CCDC175: variants seen among roughly 807,000 people sequenced by gnomAD.
CCDC175 encodes coiled-coil domain-containing protein 175.
CCDC175 carries 100 observed loss-of-function variants against 114.6 expected under a neutral mutation model. The observed-to-expected ratio is 0.87, with a 90% CI of 0.74 to 1.03. The LOEUF is 1.03. CCDC175 is among the 50% of genes least tolerant of loss of function. The probability of loss-of-function intolerance (pLI) is 0.00; values close to 1 mark genes in which losing one functional copy is unlikely to be tolerated. For synonymous variants in CCDC175, 306 were observed against 308.7 expected, an observed-to-expected ratio of 0.99 and a Z score of 0.09; for missense variants, 880 against 917.8, an observed-to-expected ratio of 0.96 and a Z score of 0.53.
At chr14:59,568,145 C>A (rs1896658751) in intron 4 of CCDC175, 100 bp downstream of exon 4, 1 of 1,214,166 alleles carries the variant, frequency 8.2e-7, no homozygotes, top group South Asian at 1.7e-5. Flanking sequence ...CTCAACTCGC[C>A]CTGCCACAGT....
intron 17 of CCDC175, among the ~76,000 whole-genome samples, chr14:59,517,262 G>A (rs1308268338): frequency 6.6e-6 from 1 of 152,202 alleles, no homozygotes; most frequent in Non-Finnish European, 1.5e-5. Context: ...ACTGGTACAA[G>A]ACAGGGATGC....
intron 17 of CCDC175, among the ~76,000 whole-genome samples, chr14:59,517,028 T>A (rs1248485472): frequency 1.3e-5 from 2 of 152,194 alleles, no homozygotes; most frequent in Non-Finnish European, 2.9e-5. Flanking sequence ...CACAAATCAA[T>A]AAATGTAATC....
At chr14:59,547,316 A>G (rs1468336018) in intron 8 of CCDC175, among the ~76,000 whole-genome samples, 1 of 152,192 alleles carries the variant, frequency 6.6e-6, no homozygotes, top group African/African-American at 2.4e-5. Flanking sequence ...CTTCAAACTG[A>G]TTTACAGATT....
chr14:59,572,661 A>G (rs1400182623), intron 3 of CCDC175, 41 bp downstream of exon 3: 6 of 1,090,350 alleles, frequency 5.5e-6, no homozygotes, highest in Middle Eastern at 4.0e-4. Flanking sequence ...ATTCTGTTAT[A>G]AGATCAACTA....
chr14:59,508,072 C>T (rs1223200053), intron 19 of CCDC175, among the ~76,000 whole-genome samples: 3 of 152,186 alleles, frequency 2.0e-5, no homozygotes, highest in South Asian at 2.1e-4. Context: ...TGCAGTCTTA[C>T]AAGCCTGCTG....
chr14:59,542,957 TA>T (rs1318568533), intron 10 of CCDC175, among the ~76,000 whole-genome samples: 1 of 152,184 alleles, frequency 6.6e-6, no homozygotes, highest in Non-Finnish European at 1.5e-5. Context: ...TTTTATTCTC[TA>T]AGTTATGCAT....
rs989819697 is a variant in CCDC175, at chr14:59,554,795, T to A, written c.954-3359A>T. On this transcript the variant is annotated intron_variant, in intron 7 of 19. Coordinates refer to ENST00000537690, the MANE Select transcript of CCDC175 (RefSeq NM_001164399.2). Reference sequence around the variant, plus strand: ...ATGATAACTGGGATATCACCACCGATCCCACAGAAATGCAAACTACCATCA... The same window carrying A: ...ATGATAACTGGGATATCACCACCGAACCCACAGAAATGCAAACTACCATCA... 7.9e-5 allele frequency among the ~76,000 whole-genome samples: 12 copies of A among 151,900 alleles called. 1 individual carries two copies. Among genetic ancestry groups the A allele is most frequent in the South Asian group, 2.1e-4 (1 of 4,810 alleles).
At chr14:59,539,521 G>A (rs1040717619) in intron 11 of CCDC175, among the ~76,000 whole-genome samples, 7 of 151,898 alleles carry the variant, frequency 4.6e-5, no homozygotes, top group African/African-American at 1.7e-4. Context: ...TGGGGGTTGC[G>A]GTGAGCTGAG....
At chr14:59,543,307 A>G in intron 10 of CCDC175, 37 bp downstream of exon 10, 1 of 693,218 alleles carries the variant, frequency 1.4e-6, no homozygotes, top group South Asian at 2.3e-5. Flanking sequence ...AATGCAGAGA[A>G]AGTAAAGATA....
At chr14:59,566,370 A>G (rs1488468720) in intron 4 of CCDC175, among the ~76,000 whole-genome samples, 1 of 152,214 alleles carries the variant, frequency 6.6e-6, no homozygotes, top group African/African-American at 2.4e-5. Flanking sequence ...TCCTTTTGCT[A>G]GTCCTCAAGG....
intron 8 of CCDC175, among the ~76,000 whole-genome samples, chr14:59,546,732 A>C (rs2140056221): frequency 6.6e-6 from 1 of 152,282 alleles, no homozygotes; most frequent in Middle Eastern, 3.4e-3. Flanking sequence ...ACCCTTTGGA[A>C]GGCTGAGGCA....
At chr14:59,539,831 C>T (rs142055269) in intron 11 of CCDC175, among the ~76,000 whole-genome samples, 6,258 of 152,136 alleles carry the variant, frequency 0.041, 166 homozygotes, top group Non-Finnish European at 0.06. Context: ...ACCTGGGAAG[C>T]GGAGGTTGTG....
At chr14:59,530,330 G>A (rs1893992585) in intron 14 of CCDC175, among the ~76,000 whole-genome samples, 1 of 151,598 alleles carries the variant, frequency 6.6e-6, no homozygotes, top group South Asian at 2.1e-4. Context: ...TTGTACCATT[G>A]CACTCCAGCC....
chr14:59,555,149 G>A (rs1895802427), intron 7 of CCDC175, among the ~76,000 whole-genome samples: 1 of 152,168 alleles, frequency 6.6e-6, no homozygotes, highest in Non-Finnish European at 1.5e-5. Flanking sequence ...AAGCCTGGCA[G>A]AGACACAACA....
chr14:59,543,078 G>A (rs1295460787), intron 10 of CCDC175, among the ~76,000 whole-genome samples: 1 of 152,098 alleles, frequency 6.6e-6, no homozygotes, highest in Non-Finnish European at 1.5e-5. Context: ...ACTCAGTGTT[G>A]TGATAATGTT....
In CCDC175 at chr14:59,530,186, G is replaced by A. The variant is rs1017230090; in HGVS notation, c.1762+1586C>T. On this transcript the variant is annotated intron_variant, in intron 14 of 19. Transcript: ENST00000537690. ...GTTCACGACCACCCTGACCAACATGGTGAAACCCCATCTCTACTAAAAATA... is the reference window on the plus strand; with the variant it reads ...GTTCACGACCACCCTGACCAACATGATGAAACCCCATCTCTACTAAAAATA... Among the ~76,000 whole-genome samples, 3 of 152,046 alleles carry A rather than the reference G, an allele frequency of 2.0e-5. No homozygotes were observed. In the Middle Eastern group the frequency reaches 0.01, roughly 517 times the overall value.
chr14:59,540,368 T>G (rs1894696167), intron 11 of CCDC175, among the ~76,000 whole-genome samples: 1 of 152,088 alleles, frequency 6.6e-6, no homozygotes, highest in Non-Finnish European at 1.5e-5. Context: ...TTACCATACC[T>G]GTCACCTCCC....
At chr14:59,515,710 T>C in intron 17 of CCDC175, among the ~76,000 whole-genome samples, 1 of 152,066 alleles carries the variant, frequency 6.6e-6, no homozygotes, top group Non-Finnish European at 1.5e-5. Context: ...TCCCACACAA[T>C]AATAATGGGA....
intron 17 of CCDC175, among the ~76,000 whole-genome samples, chr14:59,517,808 T>A (rs1377212559): frequency 2.0e-5 from 3 of 152,082 alleles, no homozygotes; most frequent in African/African-American, 7.2e-5. Flanking sequence ...TTCACAGAAT[T>A]GGAAAAAACT....
Sources: allele counts gnomAD v4.1 joint callset (sites outside exome capture counted in the v4.1 genomes callset), GRCh38; gene constraint gnomAD v4.1.1; transcripts MANE v1.5; gene names NCBI Gene and HGNC (gene_info 2026-07-23, HGNC 2026-07-21).